Variants in EML1 observed in about 807,000 individuals in gnomAD.
EML1 encodes the protein EMAP like 1, also known as echinoderm microtubule-associated protein-like 1.
Under a neutral mutation model 110.4 loss-of-function variants are expected in EML1, and 27 were observed. The ratio of observed to expected loss-of-function variants is 0.24; its 90% CI spans 0.18 to 0.34. The LOEUF is 0.34. Ranked by LOEUF, EML1 falls within the 10% of genes least tolerant of loss-of-function variation. The pLI, the probability that EML1 is intolerant of heterozygous loss-of-function variation, is 1.00. For missense variants in EML1, 741 were observed against 1,030.9 expected (o/e 0.72, Z 3.85); for synonymous variants, 344 against 385.8 (o/e 0.89, Z 1.27).
intron 12 of EML1, among the ~76,000 whole-genome samples, chr14:99,911,072 C>T (rs1463166958): frequency 6.6e-6 from 1 of 152,164 alleles, no homozygotes; most frequent in Non-Finnish European, 1.5e-5. Context: ...GGGTAAGCAG[C>T]AGCCCCATTC....
intron 2 of EML1, among the ~76,000 whole-genome samples, chr14:99,853,946 C>T (rs2058856866): frequency 6.6e-6 from 1 of 152,222 alleles, no homozygotes; most frequent in South Asian, 2.1e-4. Flanking sequence ...GCTGGGATTA[C>T]AGGCATGAGC....
At chr14:99,906,929 T>G (rs1218552841) in intron 9 of EML1, 1 of 152,702 alleles carries the variant, frequency 6.5e-6, no homozygotes, top group African/African-American at 2.4e-5. Context: ...AAGACCCCCT[T>G]GCACTCAGGC....
At chr14:99,850,050 C>A (rs553110718) in intron 1 of EML1, 12 of 335,892 alleles carry the variant, frequency 3.6e-5, no homozygotes, top group Non-Finnish European at 6.9e-5. Flanking sequence ...CCACCTCAGC[C>A]TCCTGAGTAG....
At chr14:99,890,878 C>A (rs1018429263) in intron 4 of EML1, among the ~76,000 whole-genome samples, 1 of 151,692 alleles carries the variant, frequency 6.6e-6, no homozygotes, top group Admixed American at 6.6e-5. Context: ...TAAAAACAAC[C>A]GTTTTTACAC....
At chr14:99,937,409 C>T (rs2060494793) in intron 19 of EML1, among the ~76,000 whole-genome samples, 1 of 151,890 alleles carries the variant, frequency 6.6e-6, no homozygotes, top group African/African-American at 2.4e-5. Context: ...TGACTGGTTT[C>T]AATAACCTCC....
chr14:99,858,185 CTT>C (rs780232044), intron 2 of EML1, among the ~76,000 whole-genome samples: 20 of 134,872 alleles, frequency 1.5e-4, no homozygotes, highest in Admixed American at 2.2e-4. Context: ...CTCCTCATTC[CTT>C]TTTTTTTTTT....
At chr14:99,848,987 A>G (rs1340088142) in intron 1 of EML1, among the ~76,000 whole-genome samples, 1 of 151,972 alleles carries the variant, frequency 6.6e-6, no homozygotes, top group African/African-American at 2.4e-5. Flanking sequence ...ATAAAACTTA[A>G]GGTTTCATAA....
intron 4 of EML1, among the ~76,000 whole-genome samples, chr14:99,884,375 G>A (rs1008994099): frequency 3.3e-5 from 5 of 152,234 alleles, no homozygotes; most frequent in Middle Eastern, 3.2e-3. Context: ...TCACTGCTGT[G>A]CTGGACTTAT....
intron 1 of EML1, among the ~76,000 whole-genome samples, chr14:99,806,385 C>T (rs1398257043): frequency 2.1e-5 from 3 of 142,466 alleles, no homozygotes; most frequent in Non-Finnish European, 4.5e-5. Context: ...GCGTTAATCT[C>T]GGCTCACCGC....
At chr14:99,869,985 T>C (rs564354010) in intron 3 of EML1, among the ~76,000 whole-genome samples, 83 of 152,326 alleles carry the variant, frequency 5.4e-4, no homozygotes, top group South Asian at 1.2e-3. Context: ...ACCTCTTTTC[T>C]TTATAAATTA....
At chr14:99,880,240 G>T (rs770240449) in intron 4 of EML1, among the ~76,000 whole-genome samples, 1 of 152,158 alleles carries the variant, frequency 6.6e-6, no homozygotes, top group Non-Finnish European at 1.5e-5. Context: ...GCACTGAAGG[G>T]GTTTCAGAGA....
intron 17 of EML1, among the ~76,000 whole-genome samples, chr14:99,924,050 A>G (rs536617382): frequency 2.6e-5 from 4 of 152,378 alleles, no homozygotes; most frequent in South Asian, 2.1e-4. Context: ...CACCTGGACA[A>G]TAGTGGCTCT....
intron 1 of EML1, among the ~76,000 whole-genome samples, chr14:99,822,473 T>G (rs74757117): frequency 0.045 from 6,804 of 152,296 alleles, 484 homozygotes; most frequent in African/African-American, 0.15. Flanking sequence ...TCATTATTGT[T>G]CTCACCAGTG....
At chr14:99,783,805 C>T (rs1347526326) in intron 1 of EML1, among the ~76,000 whole-genome samples, 2 of 152,294 alleles carry the variant, frequency 1.3e-5, no homozygotes, top group Admixed American at 6.5e-5. Flanking sequence ...TATTAATGAG[C>T]ACCCAGGACA....
At chr14:99,878,862 G>A (rs1480991209) in intron 4 of EML1, among the ~76,000 whole-genome samples, 1 of 152,202 alleles carries the variant, frequency 6.6e-6, no homozygotes, top group East Asian at 1.9e-4. Flanking sequence ...GCACTCTCAT[G>A]TAGACATAAG....
chr14:99,879,612 G>A, intron 4 of EML1, among the ~76,000 whole-genome samples: 1 of 152,192 alleles, frequency 6.6e-6, no homozygotes, highest in East Asian at 1.9e-4. Flanking sequence ...AGAAAACATA[G>A]AGACACTTCT....
chr14:99,899,311 C>A lies in EML1; in HGVS notation c.897+1009C>A, dbSNP rs2059722556. ...TTAAATATTAATCTTATGCTATTTT[C>A]CATTAATTTTTTTTTTTTTCTTGAG... is the stretch of plus-strand genomic sequence containing the variant. On this transcript the variant is annotated intron_variant, in intron 8 of 21. Transcript: ENST00000262233. 3 of 148,498 alleles carry A rather than the reference C, an allele frequency of 2.0e-5. No individual in the cohort carries two copies. The South Asian group carries it at 6.6e-4, about 33-fold the overall frequency. The allele number at this position is 148,498 out of a possible 1,614,324, so 9.2% of individuals were successfully genotyped here.
At chr14:99,903,776 A>C (rs2059797509) in intron 9 of EML1, among the ~76,000 whole-genome samples, 2 of 139,288 alleles carry the variant, frequency 1.4e-5, no homozygotes, top group Admixed American at 1.5e-4. Flanking sequence ...CTCATAGATA[A>C]ATCTATTCAT....
intron 1 of EML1, among the ~76,000 whole-genome samples, chr14:99,811,613 G>A (rs1210010188): frequency 6.9e-6 from 1 of 145,876 alleles, no homozygotes; most frequent in African/African-American, 2.5e-5. Context: ...GATCAGCCTG[G>A]GCAACACGAT....
Sources: allele counts gnomAD v4.1 joint callset (sites outside exome capture counted in the v4.1 genomes callset), GRCh38; gene constraint gnomAD v4.1.1; transcripts MANE v1.5; gene names NCBI Gene and HGNC (gene_info 2026-07-23, HGNC 2026-07-21).